SYNE1: variants seen among roughly 807,000 people sequenced by gnomAD.
The protein encoded by SYNE1 is spectrin repeat containing nuclear envelope protein 1.
In SYNE1, 616 loss-of-function variants were observed where a neutral mutation model predicts 1,111.0. That is an observed-to-expected ratio of 0.55 (90% CI 0.52 to 0.59). The LOEUF is 0.59. Among genes scored for constraint, SYNE1 ranks in the 20% least tolerant of loss-of-function variants. The pLI is 0.00. For missense variants in SYNE1, 10,006 were observed against 10,417.0 expected (o/e 0.96, Z 1.72); for synonymous variants, 3,855 against 3,825.8 (o/e 1.01, Z -0.28).
intron 138 of SYNE1, 29 bp downstream of exon 138, chr6:152,143,594 G>A (rs372177794): frequency 1.2e-6 from 2 of 1,614,062 alleles, no homozygotes; most frequent in Non-Finnish European, 1.7e-6. Context: ...TTTCGCACAG[G>A]TCGGAATCAG....
At chr6:152,272,574 G>A (rs1003586284) in intron 98 of SYNE1, among the ~76,000 whole-genome samples, 3 of 152,192 alleles carry the variant, frequency 2.0e-5, no homozygotes, top group African/African-American at 4.8e-5. Context: ...AAGATACCAC[G>A]TAATTCAGGA....
intron 72 of SYNE1, among the ~76,000 whole-genome samples, chr6:152,349,390 G>T (rs1183099384): frequency 1.3e-5 from 2 of 152,222 alleles, no homozygotes; most frequent in Non-Finnish European, 2.9e-5. Context: ...CAACAATTAT[G>T]AGATGGGCTG....
At chr6:152,211,135 A>T (rs557044887) in intron 124 of SYNE1, among the ~76,000 whole-genome samples, 1 of 152,300 alleles carries the variant, frequency 6.6e-6, no homozygotes, top group South Asian at 2.1e-4. Context: ...TTTACAAAAA[A>T]ATTTCTGTAA....
intron 75 of SYNE1, 36 bp from the exon 76 acceptor site, chr6:152,337,053 A>T: frequency 6.3e-7 from 1 of 1,597,682 alleles, no homozygotes; most frequent in Non-Finnish European, 8.5e-7. Context: ...TAGCAACCAT[A>T]CATGGAAACA....
chr6:152,552,099 A>G (rs1216843738), intron 3 of SYNE1, among the ~76,000 whole-genome samples: 1 of 152,228 alleles, frequency 6.6e-6, no homozygotes, highest in East Asian at 1.9e-4. Context: ...AAGAGTTTCA[A>G]CAATTCAAAA....
intron 132 of SYNE1, 45 bp downstream of exon 132, chr6:152,155,865 T>G (rs762113366): frequency 6.2e-5 from 100 of 1,609,390 alleles, no homozygotes; most frequent in Non-Finnish European, 1.4e-5. Flanking sequence ...TTTATTTTCT[T>G]TTTGGTCTTT....
chr6:152,233,770 C>T lies in SYNE1; in HGVS notation c.20712+11G>A. ...GTCAGCTATTTCCCACGAAAGCAAT[C>T]CTTTCTGTACCTGGTGGAGCTTCTC... On this transcript the variant is annotated intron_variant, in intron 112 of 145. Coordinates refer to ENST00000367255, the MANE Select transcript of SYNE1 (RefSeq NM_182961.4). 6.2e-7 allele frequency: 1 copy of T among 1,614,160 alleles called. No homozygotes were observed. Among genetic ancestry groups the T allele is most frequent in the Non-Finnish European group, 8.5e-7 (1 of 1,180,034 alleles).
At chr6:152,501,672 T>C (rs1047577776) in intron 10 of SYNE1, among the ~76,000 whole-genome samples, 4 of 151,760 alleles carry the variant, frequency 2.6e-5, no homozygotes, top group Non-Finnish European at 4.4e-5. Flanking sequence ...CTGGCAGAGG[T>C]TGCAGTGAGC....
At chr6:152,485,829 G>T (rs1021860428) in intron 12 of SYNE1, among the ~76,000 whole-genome samples, 3 of 151,980 alleles carry the variant, frequency 2.0e-5, no homozygotes, top group South Asian at 2.1e-4. Flanking sequence ...AAGAACACTG[G>T]GGGGAGATAG....
intron 2 of SYNE1, among the ~76,000 whole-genome samples, chr6:152,633,441 G>A (rs916408412): frequency 1.3e-5 from 2 of 152,232 alleles, no homozygotes; most frequent in African/African-American, 4.8e-5. Context: ...TACAGCTTAT[G>A]TGCCGGTAGA....
Position 152,416,524 on chromosome 6 carries a change from A to T in SYNE1, c.5913T>A (p.Ser1971Arg), listed in dbSNP as rs1467689689. Residue 1971 changes from serine to arginine, a missense_variant, in exon 41 of 146, where the codon AGT becomes AGA. Coordinates refer to ENST00000367255, the MANE Select transcript of SYNE1 (RefSeq NM_182961.4). The stretch of plus-strand genomic sequence containing the variant: ...TCAACACTGCCAGAGCATCTGCCTC[A>T]CTCTGCTTGGTTCCCAGAAGGTTCT... ...RIQNLLGTKQ[S>R]EADALAVLKK... is the part of the protein sequence containing the mutation. 1 of 1,613,324 alleles carries T rather than the reference A, an allele frequency of 6.2e-7. No individual in the cohort carries two copies. The highest frequency in any genetic ancestry group is 8.5e-7 in the Non-Finnish European group (1 of 1,179,902).
At chr6:152,576,905 T>C (rs891540555) in intron 3 of SYNE1, among the ~76,000 whole-genome samples, 2 of 152,126 alleles carry the variant, frequency 1.3e-5, no homozygotes, top group African/African-American at 4.8e-5. Context: ...ACAAAAGATA[T>C]ATGGAAAATA....
chr6:152,488,426 C>A lies in SYNE1; in HGVS notation c.1017G>T (p.Met339Ile), dbSNP rs1251228922. The change falls in exon 12 of 146, where the codon ATG becomes ATT. Residue 339 changes from methionine to isoleucine, a missense_variant. This residue lies in a region of SYNE1 where 1,971 missense variants were observed against 2,084.1 expected (regional missense o/e 0.95). Coordinates refer to ENST00000367255, the MANE Select transcript of SYNE1 (RefSeq NM_182961.4). ...ATTTATCCTGTAAATTTGATTCCACCATCTGTGCTCTTGTCAAATCTCTCT... is the reference window on the plus strand; with the variant it reads ...ATTTATCCTGTAAATTTGATTCCACAATCTGTGCTCTTGTCAAATCTCTCT... ...QFERDLTRAQMVESNLQDKYQ... is the reference protein window; with the variant it reads ...QFERDLTRAQIVESNLQDKYQ... The A allele has an allele frequency of 6.2e-7, 1 of 1,607,536 alleles. No homozygotes were observed. Among genetic ancestry groups the A allele is most frequent in the East Asian group, 2.2e-5 (1 of 44,718 alleles).
chr6:152,235,855 C>T (rs534699902), intron 110 of SYNE1, among the ~76,000 whole-genome samples: 2 of 152,300 alleles, frequency 1.3e-5, no homozygotes, highest in African/African-American at 4.8e-5. Context: ...AATCCTCCCA[C>T]TTCAGCCTCT....
chr6:152,405,161 C>T (rs1270285316), intron 45 of SYNE1, among the ~76,000 whole-genome samples: 1 of 152,214 alleles, frequency 6.6e-6, no homozygotes, highest in Non-Finnish European at 1.5e-5. Context: ...GGGCACTGGG[C>T]TGAATCTGAT....
intron 33 of SYNE1, chr6:152,435,479 G>A (rs1308143160): frequency 1.3e-5 from 2 of 156,364 alleles, no homozygotes; most frequent in African/African-American, 4.8e-5. Flanking sequence ...CTTGAATACC[G>A]AGGCACTGTA....
rs1298800244 is a variant in SYNE1, at chr6:152,350,322, C to T, written c.11747G>A (p.Ser3916Asn). 3 of 1,614,158 alleles carry T rather than the reference C, an allele frequency of 1.9e-6. No individual in the cohort carries two copies. Among genetic ancestry groups the T allele is most frequent in the South Asian group, 1.1e-5 (1 of 91,082 alleles). The change falls in exon 72 of 146, where the codon AGT (serine) becomes AAT (asparagine). Residue 3916 changes from serine (S) to asparagine (N), a missense_variant. Coordinates refer to ENST00000367255, the MANE Select transcript of SYNE1 (RefSeq NM_182961.4). ...ATGGTCTTTGACTTTCGCCTCCAGACTGAAGACATGCTCCTGCAAAACCAG... is the reference window on the plus strand; with the variant it reads ...ATGGTCTTTGACTTTCGCCTCCAGATTGAAGACATGCTCCTGCAAAACCAG... ...LCSIGKEHVF[S>N]LEAKVKDHED...
In SYNE1 at chr6:152,329,885, C is replaced by A; in HGVS notation, c.14800G>T (p.Val4934Phe). Residue 4934 changes from valine to phenylalanine, a missense_variant, in exon 78 of 146, where the codon GTC becomes TTC. Physicochemically the swap from Val to Phe is conservative, Grantham distance 50. Around this residue, in one of 7 missense-constraint regions of SYNE1, gnomAD observed 4,955 missense variants for 5,017.2 expected, o/e 0.99. Transcript: ENST00000367255. ...TTCATGATTCTCAAGCTGGACTGGA[C>A]CTCTTCCTGATGAATTTGGATTTTT... ...IRKIQIHQEE[V>F]QSSLRIMNAL... is the part of the protein sequence containing the mutation. 6.2e-7 allele frequency: 1 copy of A among 1,614,154 alleles called. No individual in the cohort carries two copies. Among genetic ancestry groups the A allele is most frequent in the Non-Finnish European group, 8.5e-7 (1 of 1,180,046 alleles).
At chr6:152,172,686 A>T (rs1421365857) in intron 130 of SYNE1, among the ~76,000 whole-genome samples, 2 of 152,234 alleles carry the variant, frequency 1.3e-5, no homozygotes. Flanking sequence ...ACAAAACGAG[A>T]GCCAGTATTC....
Sources: gnomAD v4.1 joint callset for allele counts (sites outside exome capture counted in the v4.1 genomes callset) on GRCh38, gnomAD v4.1.1 for gene constraint, gnomAD v4.1.1 regional missense constraint, MANE v1.5 for transcripts, NCBI Gene and HGNC (gene_info 2026-07-23, HGNC 2026-07-21) for gene names.